Variants in KCNQ5 observed in about 807,000 individuals in gnomAD.
KCNQ5 encodes potassium voltage-gated channel subfamily KQT member 5.
Under a neutral mutation model 98.2 loss-of-function variants are expected in KCNQ5, and 30 were observed. The observed-to-expected ratio is 0.31, with a 90% CI of 0.23 to 0.41. The LOEUF (loss-of-function observed/expected upper bound fraction) is 0.41, where lower values mean the gene tolerates loss of function less well. Among genes scored for constraint, KCNQ5 ranks in the 10% least tolerant of loss-of-function variants. KCNQ5 has a pLI of 1.00. For synonymous variants in KCNQ5, 458 were observed against 449.4 expected, an observed-to-expected ratio of 1.02 and a Z score of -0.24; for missense variants, 835 against 1,182.5, an observed-to-expected ratio of 0.71 and a Z score of 4.31.
chr6:72,779,945 C>G (rs1229423680), intron 1 of KCNQ5, among the ~76,000 whole-genome samples: 2 of 150,966 alleles, frequency 1.3e-5, no homozygotes, highest in Non-Finnish European at 3.0e-5. Flanking sequence ...AGCTGTCCTC[C>G]CAGCTGGGCA....
intron 1 of KCNQ5, among the ~76,000 whole-genome samples, chr6:72,827,905 A>G (rs1333140669): frequency 2.6e-5 from 4 of 152,098 alleles, no homozygotes; most frequent in East Asian, 3.8e-4. Context: ...GGATTTTTAT[A>G]TAGGGTAAGA....
intron 3 of KCNQ5, among the ~76,000 whole-genome samples, chr6:73,067,920 T>C (rs3934400): frequency 0.97 from 146,889 of 151,070 alleles, 71,545 homozygotes; most frequent in Middle Eastern, 1. Flanking sequence ...AAAATTTGTA[T>C]GGAATCTTAC....
At position 72,679,905 on chromosome 6, in the gene KCNQ5, G is replaced by A. The variant is rs149471556; in HGVS notation, c.398+57318G>A. ...TTACAAAAATTAGCTGGATGTAGTA[G>A]TGCATGCCTGCAATCCCAGCTACTC... On this transcript the variant is annotated intron_variant, in intron 1 of 13. Coordinates refer to ENST00000370398, the MANE Select transcript of KCNQ5 (RefSeq NM_019842.4). Among the ~76,000 whole-genome samples, 55 of 152,176 alleles carry A rather than the reference G, an allele frequency of 3.6e-4. No individual in the cohort carries two copies. In the East Asian group the frequency reaches 9.5e-3, roughly 26 times the overall value.
chr6:73,016,259 G>T lies in KCNQ5; in HGVS notation c.489+12261G>T, dbSNP rs116887389. 1.7e-3 allele frequency among the ~76,000 whole-genome samples: 258 copies of T among 152,208 alleles called. 1 individual carries two copies. The highest frequency in any genetic ancestry group is 2.2e-3 in the Admixed American group (34 of 15,262). Reference sequence around the variant, plus strand: ...ATGCAAAGATTAGGGAAAAGAAAATGCCAGGCAGATAGAGCTTCAAGGACA... The same window carrying T: ...ATGCAAAGATTAGGGAAAAGAAAATTCCAGGCAGATAGAGCTTCAAGGACA... On this transcript the variant is annotated intron_variant, in intron 2 of 13. Coordinates refer to ENST00000370398, the MANE Select transcript of KCNQ5 (RefSeq NM_019842.4).
chr6:72,894,277 G>A (rs1779164472), intron 1 of KCNQ5, among the ~76,000 whole-genome samples: 1 of 152,156 alleles, frequency 6.6e-6, no homozygotes. Context: ...TTCATTTAAA[G>A]AGGAAGTAAT....
At chr6:72,911,419 A>G (rs751071117) in intron 1 of KCNQ5, among the ~76,000 whole-genome samples, 1 of 152,012 alleles carries the variant, frequency 6.6e-6, no homozygotes, top group African/African-American at 2.4e-5. Context: ...CCTCACCAGA[A>G]CCCCACCATT....
intron 1 of KCNQ5, among the ~76,000 whole-genome samples, chr6:72,747,037 T>C (rs1238976304): frequency 6.6e-6 from 1 of 152,162 alleles, no homozygotes; most frequent in Non-Finnish European, 1.5e-5. Flanking sequence ...CTTATATTTA[T>C]GTTCTAGTTC....
At chr6:73,188,331 A>G (rs571504538) in intron 11 of KCNQ5, among the ~76,000 whole-genome samples, 12 of 152,360 alleles carry the variant, frequency 7.9e-5, no homozygotes, top group African/African-American at 2.6e-4. Flanking sequence ...AAGACATACA[A>G]AGTACTTCAC....
chr6:72,713,462 AT>A (rs989905377), intron 1 of KCNQ5, among the ~76,000 whole-genome samples: 1 of 151,790 alleles, frequency 6.6e-6, no homozygotes, highest in African/African-American at 2.4e-5. Flanking sequence ...GGCTTCTACA[AT>A]TTTTTTTCAT....
intron 1 of KCNQ5, among the ~76,000 whole-genome samples, chr6:72,939,351 C>A (rs1007422291): frequency 5.3e-5 from 8 of 152,196 alleles, no homozygotes; most frequent in African/African-American, 1.9e-4. Flanking sequence ...GTCTGCAATT[C>A]CAGCCCATGC....
rs1351595259 is a variant in KCNQ5, at chr6:73,061,938, T to C, written c.617-15384T>C. ...ATTATCAACTCAGACCATCTTTGTA[T>C]GTTTTTGTTTATTATTTTTCCTCAA... On this transcript the variant is annotated intron_variant, in intron 3 of 13. Coordinates refer to ENST00000370398, the MANE Select transcript of KCNQ5 (RefSeq NM_019842.4). Among the ~76,000 whole-genome samples, 11 of 152,288 alleles carry C rather than the reference T, an allele frequency of 7.2e-5. 1 individual carries two copies. The South Asian group carries it at 2.3e-3, about 32-fold the overall frequency.
At position 72,767,193 on chromosome 6, in the gene KCNQ5, G is replaced by A. The variant is rs1005326009; in HGVS notation, c.398+144606G>A. Among the ~76,000 whole-genome samples the A allele has an allele frequency of 2.6e-5, 4 of 152,086 alleles. No individual in the cohort carries two copies. The South Asian group carries it at 8.3e-4, about 32-fold the overall frequency. ...TTGGTATGTTAAATTTAATGTACCTGTTAGAAATGCAAATGAACTTGTTAA... is the reference window on the plus strand; with the variant it reads ...TTGGTATGTTAAATTTAATGTACCTATTAGAAATGCAAATGAACTTGTTAA... On this transcript the variant is annotated intron_variant, in intron 1 of 13. Coordinates refer to ENST00000370398, the MANE Select transcript of KCNQ5 (RefSeq NM_019842.4).
At chr6:72,811,659 C>T (rs923089840) in intron 1 of KCNQ5, among the ~76,000 whole-genome samples, 1 of 152,114 alleles carries the variant, frequency 6.6e-6, no homozygotes, top group Non-Finnish European at 1.5e-5. Flanking sequence ...AAGGATGATT[C>T]TTTCTGCCCC....
At chr6:72,982,730 T>G (rs550696248) in intron 1 of KCNQ5, among the ~76,000 whole-genome samples, 2 of 152,300 alleles carry the variant, frequency 1.3e-5, no homozygotes, top group East Asian at 1.9e-4. Flanking sequence ...GTTAGCTGGT[T>G]ATTTTGCCCA....
At chr6:73,153,132 A>G (rs544239509) in intron 10 of KCNQ5, among the ~76,000 whole-genome samples, 1 of 152,120 alleles carries the variant, frequency 6.6e-6, no homozygotes, top group South Asian at 2.1e-4. Context: ...GAAGTACCTA[A>G]CGTTGCCAAT....
chr6:73,042,117 A>G lies in KCNQ5; in HGVS notation c.616+55A>G, dbSNP rs1258065837. The G allele has an allele frequency of 7.5e-6, 12 of 1,599,332 alleles. No individual in the cohort carries two copies. The Admixed American group carries it at 2.0e-4, about 27-fold the overall frequency. On this transcript the variant is annotated intron_variant, in intron 3 of 13. Coordinates refer to ENST00000370398, the MANE Select transcript of KCNQ5 (RefSeq NM_019842.4). ...TATGACACCAACATTCTTGTCTTCT[A>G]TCTCCTGTTTTGCAATATTTGATTA...
chr6:72,774,943 G>A (rs1773089242), intron 1 of KCNQ5, among the ~76,000 whole-genome samples: 1 of 152,098 alleles, frequency 6.6e-6, no homozygotes, highest in African/African-American at 2.4e-5. Flanking sequence ...GGTGTCCTTT[G>A]ATCTAACAAT....
chr6:73,025,548 G>A (rs1317934986), intron 2 of KCNQ5, among the ~76,000 whole-genome samples: 3 of 149,282 alleles, frequency 2.0e-5, no homozygotes, highest in Non-Finnish European at 3.0e-5. Context: ...CACTTGAGCC[G>A]GGAGGCAAAG....
intron 3 of KCNQ5, among the ~76,000 whole-genome samples, chr6:73,069,393 C>T (rs1363908442): frequency 1.3e-5 from 2 of 151,942 alleles, no homozygotes; most frequent in Non-Finnish European, 2.9e-5. Context: ...GTTTTTAAGA[C>T]CTTTAAAATT....
Sources: gnomAD v4.1 joint callset for allele counts (sites outside exome capture counted in the v4.1 genomes callset) on GRCh38, gnomAD v4.1.1 for gene constraint, MANE v1.5 for transcripts, NCBI Gene and HGNC (gene_info 2026-07-23, HGNC 2026-07-21) for gene names.